CDH1: variants seen among roughly 807,000 people sequenced by gnomAD.
The protein encoded by CDH1 is cadherin 1.
CDH1 carries 35 observed loss-of-function variants against 84.5 expected under a neutral mutation model. The ratio of observed to expected loss-of-function variants is 0.41; its 90% CI spans 0.32 to 0.55. The LOEUF is 0.55. Ranked by LOEUF, CDH1 falls within the 20% of genes least tolerant of loss-of-function variation. The pLI, the probability that CDH1 is intolerant of heterozygous loss-of-function variation, is 0.19. For missense variants in CDH1, 994 were observed against 1,126.6 expected, an observed-to-expected ratio of 0.88 and a Z score of 1.68; for synonymous variants, 417 against 439.0, an observed-to-expected ratio of 0.95 and a Z score of 0.63.
chr16:68,822,779 C>G (rs1445337343), intron 12 of CDH1: 1 of 244,910 alleles, frequency 4.1e-6, no homozygotes, highest in African/African-American at 2.3e-5. Context: ...CGCTGAGTGT[C>G]CCTTGAAAAT....
In CDH1 at chr16:68,759,329, T is replaced by C. The variant is rs531337110; in HGVS notation, c.163+20918T>C. ...CCTGGGCAACATAGCAAGACCCCCA[T>C]CTCTACCAATAATAATAGTATTGTT... is the stretch of plus-strand genomic sequence containing the variant. On this transcript the variant is annotated intron_variant, in intron 2 of 15. Coordinates refer to ENST00000261769, the MANE Select transcript of CDH1 (RefSeq NM_004360.5). 1.8e-3 allele frequency among the ~76,000 whole-genome samples: 274 copies of C among 152,142 alleles called. 1 individual carries two copies. The highest frequency in any genetic ancestry group is 5.7e-3 in the African/African-American group (237 of 41,524).
chr16:68,818,219 G>A (rs1219838005), intron 10 of CDH1, among the ~76,000 whole-genome samples: 2 of 126,794 alleles, frequency 1.6e-5, no homozygotes, highest in African/African-American at 3.3e-5. Flanking sequence ...CAGCCTGGGC[G>A]ACAGAACGAG....
At chr16:68,745,768 G>C (rs938512664) in intron 2 of CDH1, among the ~76,000 whole-genome samples, 2 of 151,782 alleles carry the variant, frequency 1.3e-5, no homozygotes, top group Admixed American at 1.3e-4. Context: ...CCCTCTTGCA[G>C]ATTCACTGAG....
At chr16:68,743,755 G>C (rs1389822960) in intron 2 of CDH1, among the ~76,000 whole-genome samples, 1 of 152,178 alleles carries the variant, frequency 6.6e-6, no homozygotes, top group Admixed American at 6.5e-5. Flanking sequence ...AGCAGTGGCT[G>C]TTTAGGATCC....
rs768547540 is a variant in CDH1, at chr16:68,828,289, C to T, written c.2280C>T (p.Gly760=). Residue 760 remains glycine, a synonymous_variant, in exon 14 of 16, where the codon GGC becomes GGT. Coordinates refer to ENST00000261769, the MANE Select transcript of CDH1 (RefSeq NM_004360.5). The part of the protein sequence containing the change: ...DNVYYYDEEG[G]GEEDQDFDLS... ...TTTATTACTATGATGAAGAAGGAGGCGGAGAAGAGGACCAGGTGGGTTTTG... is the reference window on the plus strand; with the variant it reads ...TTTATTACTATGATGAAGAAGGAGGTGGAGAAGAGGACCAGGTGGGTTTTG... 79 of 1,613,832 alleles carry T rather than the reference C, an allele frequency of 4.9e-5. No homozygotes were observed. Among genetic ancestry groups the T allele is most frequent in the Admixed American group, 6.7e-5 (4 of 59,976 alleles).
rs139096339 is a variant in CDH1 at position 68,829,721 on chromosome 16, C to T, written c.2363C>T (p.Ala788Val). ...ARPEVTRNDV[A>V]PTLMSVPRYL... ...CCTGAAGTGACTCGTAACGACGTTG[C>T]ACCAACCCTCATGAGTGTCCCCCGG... is the stretch of plus-strand genomic sequence containing the variant. The change falls in exon 15 of 16, where the codon GCA becomes GTA. Residue 788 changes from alanine (A) to valine (V), a missense_variant. By Grantham distance (64) the Ala-to-Val change is moderately conservative (BLOSUM62 0). Transcript: ENST00000261769. 11 of 1,613,986 alleles carry T rather than the reference C, an allele frequency of 6.8e-6. No homozygotes were observed. In the African/African-American group the frequency reaches 1.3e-4, roughly 20 times the overall value.
At chr16:68,833,242 G>T (rs1490381779) in intron 15 of CDH1, 48 bp from the exon 16 acceptor site, 2 of 1,526,528 alleles carry the variant, frequency 1.3e-6, no homozygotes, top group Non-Finnish European at 1.8e-6. Flanking sequence ...CAGATGACAG[G>T]TGTGCCCTTC....
chr16:68,833,565 T>A lies in CDH1; in HGVS notation c.*66T>A. The A allele has an allele frequency of 7.7e-7, 1 of 1,291,142 alleles. No individual in the cohort carries two copies. Among genetic ancestry groups the A allele is most frequent in the Non-Finnish European group, 1.1e-6 (1 of 888,576 alleles). 80.0% of individuals were successfully genotyped at this position (1,291,142 alleles called of 1,614,324 possible). A position where few individuals can be genotyped will look rare whatever the true frequency, so the allele number is the denominator to read the frequency against. On this transcript the variant is annotated 3_prime_UTR_variant, in exon 16 of 16. Coordinates refer to ENST00000261769, the MANE Select transcript of CDH1 (RefSeq NM_004360.5). ...AATGCAGAAATCACGTTGCTGGTGG[T>A]TTTTCAGCTCCCTTCCCTTGAGATG... is the stretch of plus-strand genomic sequence containing the variant.
At chr16:68,738,240 T>G in intron 1 of CDH1, 57 bp from the exon 2 acceptor site, 1 of 1,172,416 alleles carries the variant, frequency 8.5e-7, no homozygotes, top group Non-Finnish European at 1.2e-6. Flanking sequence ...TTGGTTTCGG[T>G]GAGCAGGAGG....
chr16:68,801,706 C>G lies in CDH1; in HGVS notation c.200C>G (p.Ala67Gly), dbSNP rs730881660. 1.2e-6 allele frequency: 2 copies of G among 1,614,150 alleles called. No individual in the cohort carries two copies. Among genetic ancestry groups the G allele is most frequent in the African/African-American group, 1.3e-5 (1 of 75,050 alleles). Residue 67 changes from alanine (A) to glycine (G), a missense_variant, in exon 3 of 16, where the codon GCC becomes GGC. Transcript: ENST00000261769. ...FEDCTGRQRT[A>G]YFSLDTRFKV... ...GATTGCACCGGTCGACAAAGGACAG[C>G]CTATTTTTCCCTCGACACCCGATTC... is the stretch of plus-strand genomic sequence containing the variant.
chr16:68,780,134 G>T (rs939390957), intron 2 of CDH1, among the ~76,000 whole-genome samples: 1 of 150,334 alleles, frequency 6.7e-6, no homozygotes, highest in African/African-American at 2.4e-5. Flanking sequence ...TCCTTCCAAA[G>T]GGGACCGTGT....
chr16:68,773,976 G>A (rs1959655682), intron 2 of CDH1, among the ~76,000 whole-genome samples: 1 of 152,190 alleles, frequency 6.6e-6, no homozygotes, highest in South Asian at 2.1e-4. Context: ...GAGTGCAGTG[G>A]TGCAGTCATA....
At chr16:68,810,601 T>C (rs982970145) in intron 6 of CDH1, among the ~76,000 whole-genome samples, 6 of 151,724 alleles carry the variant, frequency 4.0e-5, no homozygotes, top group Admixed American at 6.6e-5. Flanking sequence ...TGGTGGCTCA[T>C]GCCTGTAATC....
chr16:68,742,138 A>G (rs1962584521), intron 2 of CDH1, among the ~76,000 whole-genome samples: 1 of 152,202 alleles, frequency 6.6e-6, no homozygotes, highest in South Asian at 2.1e-4. Context: ...AGGCTTTCCC[A>G]GTGATTGTTT....
At chr16:68,803,814 A>G (rs777049469) in intron 3 of CDH1, among the ~76,000 whole-genome samples, 4 of 151,976 alleles carry the variant, frequency 2.6e-5, no homozygotes, top group South Asian at 2.1e-4. Context: ...TAAATCTCCA[A>G]TTGTCGTGGT....
intron 6 of CDH1, among the ~76,000 whole-genome samples, chr16:68,811,096 A>G (rs1212527887): frequency 1.3e-5 from 2 of 151,740 alleles, no homozygotes; most frequent in East Asian, 3.9e-4. Context: ...TCTCTCCTCC[A>G]TAAAGATAAC....
At chr16:68,775,193 TGTGTGTGCCTCTTAA>T (rs1371328407) in intron 2 of CDH1, among the ~76,000 whole-genome samples, 8 of 152,122 alleles carry the variant, frequency 5.3e-5, no homozygotes, top group African/African-American at 1.7e-4. Flanking sequence ...TTGCCTTCTC[TGTGTGTGCCTCTTAA>T]GTGTGTGCGT....
Position 68,801,795 on chromosome 16 carries a change from C to G in CDH1, c.289C>G (p.His97Asp), listed in dbSNP as rs587778173. ...TCTACGGTTTCATAACCCACAGATC[C>G]ATTTCTTGGTCTACGCCTGGGACTC... ...RPLRFHNPQI[H>D]FLVYAWDSTY... is the part of the protein sequence containing the mutation. Residue 97 changes from histidine to aspartate, a missense_variant, in exon 3 of 16, where the codon CAT becomes GAT. Transcript: ENST00000261769. The G allele has an allele frequency of 3.1e-6, 5 of 1,614,154 alleles. No individual in the cohort carries two copies. Among genetic ancestry groups the G allele is most frequent in the Non-Finnish European group, 4.2e-6 (5 of 1,180,004 alleles).
intron 2 of CDH1, among the ~76,000 whole-genome samples, chr16:68,769,483 C>G (rs1378712391): frequency 6.8e-6 from 1 of 146,376 alleles, no homozygotes; most frequent in African/African-American, 2.5e-5. Context: ...TTTTTTTCCT[C>G]TTTTTAATTG....
Sources: gnomAD v4.1 joint callset for allele counts (sites outside exome capture counted in the v4.1 genomes callset) on GRCh38, gnomAD v4.1.1 for gene constraint, MANE v1.5 for transcripts, NCBI Gene and HGNC (gene_info 2026-07-23, HGNC 2026-07-21) for gene names.